ARHGAP24: variants seen among roughly 807,000 people sequenced by gnomAD.
ARHGAP24 encodes the protein rho GTPase-activating protein 24.
ARHGAP24 carries 50 observed loss-of-function variants against 76.4 expected under a neutral mutation model. The observed-to-expected ratio is 0.65, with a 90% CI of 0.52 to 0.83. The LOEUF (loss-of-function observed/expected upper bound fraction) is 0.83, where lower values mean the gene tolerates loss of function less well. Ranked by LOEUF, ARHGAP24 falls within the 40% of genes least tolerant of loss-of-function variation. The pLI is 0.00. For synonymous variants in ARHGAP24, 345 were observed against 323.3 expected (o/e 1.07, Z -0.72); for missense variants, 930 against 914.2 (o/e 1.02, Z -0.22).
rs527529558 is a variant in ARHGAP24 at position 85,757,001 on chromosome 4, T to C, written c.268+35029T>C. Among the ~76,000 whole-genome samples the C allele has an allele frequency of 4.9e-4, 74 of 152,290 alleles. 1 individual carries two copies. The South Asian group carries it at 0.014, about 29-fold the overall frequency. On this transcript the variant is annotated intron_variant, in intron 3 of 9. Coordinates refer to ENST00000395184, the MANE Select transcript of ARHGAP24 (RefSeq NM_001025616.3). ...AACTGTTTTTTCATCTTTATTTTTG[T>C]TTTCTGACCAGAGTAGCACAGTGTC...
intron 2 of ARHGAP24, among the ~76,000 whole-genome samples, chr4:85,664,800 A>G (rs1354394220): frequency 6.6e-6 from 1 of 152,052 alleles, no homozygotes; most frequent in African/African-American, 2.4e-5. Flanking sequence ...CAGGTTGTTC[A>G]GTTTCCACGT....
At chr4:85,681,803 C>T (rs754313213) in intron 2 of ARHGAP24, among the ~76,000 whole-genome samples, 3 of 152,200 alleles carry the variant, frequency 2.0e-5, no homozygotes, top group Non-Finnish European at 2.9e-5. Flanking sequence ...CTCTTCATGT[C>T]ACTTTCAATT....
chr4:85,792,113 G>A (rs1283514332), intron 3 of ARHGAP24, among the ~76,000 whole-genome samples: 2 of 151,442 alleles, frequency 1.3e-5, no homozygotes, highest in African/African-American at 2.4e-5. Context: ...CAAATGGGGT[G>A]GCAATTCTAA....
chr4:85,751,773 G>C (rs892898553), intron 3 of ARHGAP24, among the ~76,000 whole-genome samples: 1 of 152,158 alleles, frequency 6.6e-6, no homozygotes, highest in Non-Finnish European at 1.5e-5. Flanking sequence ...ACCATTATAG[G>C]AATTAGGTAG....
At chr4:85,768,809 G>A (rs1019583171) in intron 3 of ARHGAP24, among the ~76,000 whole-genome samples, 1 of 152,048 alleles carries the variant, frequency 6.6e-6, no homozygotes, top group African/African-American at 2.4e-5. Flanking sequence ...CTAAAGATGA[G>A]ATCACTTGTG....
chr4:85,930,924 C>CT, intron 4 of ARHGAP24: 1 of 1,613,864 alleles, frequency 6.2e-7, no homozygotes, highest in Non-Finnish European at 8.5e-7. Context: ...AACTTCAGGC[C>CT]TGTACGATGC....
chr4:85,806,386 T>G (rs560779804), intron 3 of ARHGAP24, among the ~76,000 whole-genome samples: 3 of 152,334 alleles, frequency 2.0e-5, no homozygotes, highest in Non-Finnish European at 2.9e-5. Context: ...TAATTAATTG[T>G]TGAAAATATG....
intron 3 of ARHGAP24, among the ~76,000 whole-genome samples, chr4:85,842,893 C>T (rs1024038893): frequency 6.6e-6 from 1 of 152,144 alleles, no homozygotes; most frequent in African/African-American, 2.4e-5. Context: ...GTATCAGTAA[C>T]CCTGATGAAC....
intron 3 of ARHGAP24, chr4:85,778,707 G>T: frequency 1.0e-6 from 1 of 985,222 alleles, no homozygotes; most frequent in Non-Finnish European, 1.2e-6. Flanking sequence ...CAATATATGG[G>T]ATGGGAGGAT....
At chr4:85,763,606 A>G (rs1055172231) in intron 3 of ARHGAP24, among the ~76,000 whole-genome samples, 2 of 152,148 alleles carry the variant, frequency 1.3e-5, no homozygotes, top group Non-Finnish European at 2.9e-5. Flanking sequence ...TTACTTATTC[A>G]TTTATTTTTT....
intron 3 of ARHGAP24, among the ~76,000 whole-genome samples, chr4:85,827,461 C>CGTGTGTGTGTGT (rs56379272): frequency 0.032 from 3,450 of 108,672 alleles, 139 homozygotes; most frequent in Middle Eastern, 0.053. Flanking sequence ...GAAGTCTGCC[C>CGTGTGTGTGTGT]GTGTGTGTGT....
Position 85,664,478 on chromosome 4 carries a change from AT to A in ARHGAP24, c.181-57401del, listed in dbSNP as rs1578122328. On this transcript the variant is annotated intron_variant, in intron 2 of 9. Coordinates refer to ENST00000395184, the MANE Select transcript of ARHGAP24 (RefSeq NM_001025616.3). ...AAAAAACCAGCCCCTGGATTCATTA[AT>A]TTTTTGAAGGGTTTTTTTGTGTCTC... Among the ~76,000 whole-genome samples, 3 of 150,798 alleles carry A rather than the reference AT, an allele frequency of 2.0e-5. 1 individual carries two copies. Among genetic ancestry groups the A allele is most frequent in the African/African-American group, 7.5e-5 (3 of 40,264 alleles).
intron 3 of ARHGAP24, among the ~76,000 whole-genome samples, chr4:85,902,707 G>A (rs999060658): frequency 5.3e-5 from 8 of 152,156 alleles, no homozygotes; most frequent in Non-Finnish European, 1.0e-4. Context: ...AGGTTCAAGC[G>A]ATTGTCCTGC....
chr4:85,562,226 A>G (rs1726625975), intron 1 of ARHGAP24, among the ~76,000 whole-genome samples: 1 of 152,244 alleles, frequency 6.6e-6, no homozygotes, highest in African/African-American at 2.4e-5. Context: ...AGAATCCATC[A>G]TATCACTGTG....
At chr4:85,967,963 G>T (rs536093581) in intron 5 of ARHGAP24, among the ~76,000 whole-genome samples, 1 of 152,120 alleles carries the variant, frequency 6.6e-6, no homozygotes, top group Non-Finnish European at 1.5e-5. Flanking sequence ...AAACAGAAGC[G>T]AGGTACAGAG....
intron 6 of ARHGAP24, among the ~76,000 whole-genome samples, chr4:85,973,846 T>G (rs1219083297): frequency 1.1e-4 from 14 of 126,796 alleles, no homozygotes; most frequent in African/African-American, 3.9e-4. Flanking sequence ...TTTTTTTTTT[T>G]TTTTTTTTTT....
chr4:85,534,070 A>C (rs1445839210), intron 1 of ARHGAP24, among the ~76,000 whole-genome samples: 1 of 152,166 alleles, frequency 6.6e-6, no homozygotes, highest in African/African-American at 2.4e-5. Flanking sequence ...TCTGATGTAC[A>C]TGGGCCCAGT....
At chr4:85,523,529 A>T (rs778786963) in intron 1 of ARHGAP24, among the ~76,000 whole-genome samples, 6 of 152,192 alleles carry the variant, frequency 3.9e-5, no homozygotes, top group Non-Finnish European at 5.9e-5. Flanking sequence ...TTATTTGTGC[A>T]GTTGTCAGAC....
chr4:85,914,242 A>G (rs1578381427), intron 3 of ARHGAP24, among the ~76,000 whole-genome samples: 1 of 152,332 alleles, frequency 6.6e-6, no homozygotes, highest in East Asian at 1.9e-4. Flanking sequence ...AGCTAATAGG[A>G]TGAGTGTGGT....
Sources: allele counts gnomAD v4.1 joint callset (sites outside exome capture counted in the v4.1 genomes callset), GRCh38; gene constraint gnomAD v4.1.1; transcripts MANE v1.5; gene names NCBI Gene and HGNC (gene_info 2026-07-23, HGNC 2026-07-21).